The following SLC2A13 variants were observed in gnomAD, a reference collection of about 807,000 sequenced individuals.
The protein encoded by SLC2A13 is proton myo-inositol cotransporter.
SLC2A13 carries 32 observed loss-of-function variants against 64.4 expected under a neutral mutation model. The observed-to-expected ratio is 0.50, with a 90% CI of 0.37 to 0.67. SLC2A13 has a LOEUF of 0.67. Ranked by LOEUF, SLC2A13 falls within the 30% of genes least tolerant of loss-of-function variation. SLC2A13 has a pLI of 0.00. For missense variants in SLC2A13, 743 were observed against 829.2 expected, an observed-to-expected ratio of 0.90 and a Z score of 1.28; for synonymous variants, 338 against 327.1, an observed-to-expected ratio of 1.03 and a Z score of -0.36.
chr12:40,066,107 T>C lies in SLC2A13; in HGVS notation c.557-17897A>G, dbSNP rs17518232. Among the ~76,000 whole-genome samples the C allele has an allele frequency of 9.1e-3, 1,388 of 152,316 alleles. 25 individuals carry two copies. Among genetic ancestry groups the C allele is most frequent in the African/African-American group, 0.032 (1,315 of 41,550 alleles). On this transcript the variant is annotated intron_variant, in intron 1 of 9. Transcript: ENST00000280871. ...AACAGAGCATCCTAATCGAAGTAAC[T>C]AAATGTAGAGGTTTGAGATTAAATA...
chr12:39,829,895 A>G, intron 7 of SLC2A13: 1 of 617,954 alleles, frequency 1.6e-6, no homozygotes, highest in Non-Finnish European at 2.7e-6. Flanking sequence ...TGGGTCTCCA[A>G]AAGTCTAGGC....
chr12:39,816,252 A>G (rs1421892173), intron 7 of SLC2A13, among the ~76,000 whole-genome samples: 1 of 152,080 alleles, frequency 6.6e-6, no homozygotes, highest in Non-Finnish European at 1.5e-5. Flanking sequence ...CATTTCTTCT[A>G]CAAACAAAAA....
At chr12:39,780,524 G>C (rs1358491062) in intron 7 of SLC2A13, among the ~76,000 whole-genome samples, 1 of 152,178 alleles carries the variant, frequency 6.6e-6, no homozygotes, top group Non-Finnish European at 1.5e-5. Context: ...GCAGCATCTT[G>C]GCAGGTCTGC....
At chr12:39,762,019 A>T (rs1255538180) in intron 9 of SLC2A13, among the ~76,000 whole-genome samples, 1 of 152,078 alleles carries the variant, frequency 6.6e-6, no homozygotes, top group African/African-American at 2.4e-5. Flanking sequence ...CTTTCTTGTG[A>T]CCTGGATTCC....
chr12:40,078,367 T>G (rs1007299896), intron 1 of SLC2A13, among the ~76,000 whole-genome samples: 3 of 152,218 alleles, frequency 2.0e-5, no homozygotes, highest in African/African-American at 7.2e-5. Flanking sequence ...CGAAGGAATG[T>G]TGAATTTCAT....
intron 7 of SLC2A13, among the ~76,000 whole-genome samples, chr12:39,787,763 T>G (rs1941242001): frequency 6.6e-6 from 1 of 152,174 alleles, no homozygotes; most frequent in Non-Finnish European, 1.5e-5. Context: ...TGACATGATG[T>G]TAGGTGAATG....
chr12:40,023,778 G>A (rs1212047198), intron 3 of SLC2A13, among the ~76,000 whole-genome samples: 2 of 152,120 alleles, frequency 1.3e-5, no homozygotes, highest in Non-Finnish European at 2.9e-5. Flanking sequence ...ACTCTTTCAG[G>A]ACATGTCTGT....
At chr12:39,972,021 T>TA (rs376763534) in intron 3 of SLC2A13, among the ~76,000 whole-genome samples, 37,790 of 80,476 alleles carry the variant, frequency 0.47, 6,782 homozygotes, top group South Asian at 0.51. Context: ...TATATTTTTT[T>TA]TTATATAAAT....
chr12:40,016,233 C>T (rs1172277851), intron 3 of SLC2A13, among the ~76,000 whole-genome samples: 1 of 152,138 alleles, frequency 6.6e-6, no homozygotes, highest in African/African-American at 2.4e-5. Flanking sequence ...TGAATATCCA[C>T]AGGACCATTA....
chr12:39,796,714 G>A (rs1431772810), intron 7 of SLC2A13, among the ~76,000 whole-genome samples: 1 of 152,078 alleles, frequency 6.6e-6, no homozygotes, highest in African/African-American at 2.4e-5. Context: ...AATCAACTTT[G>A]TTTAGATGGG....
At chr12:39,959,920 A>G (rs1163060083) in intron 3 of SLC2A13, among the ~76,000 whole-genome samples, 2 of 152,306 alleles carry the variant, frequency 1.3e-5, no homozygotes, top group African/African-American at 2.4e-5. Flanking sequence ...CAACCAACCC[A>G]TCACCTAGGC....
At chr12:39,924,071 A>G (rs1945671962) in intron 4 of SLC2A13, among the ~76,000 whole-genome samples, 1 of 152,302 alleles carries the variant, frequency 6.6e-6, no homozygotes, top group South Asian at 2.1e-4. Context: ...AATAAAATAA[A>G]AAATGTTATG....
At chr12:40,026,880 G>C (rs768923448) in intron 3 of SLC2A13, among the ~76,000 whole-genome samples, 1 of 152,134 alleles carries the variant, frequency 6.6e-6, no homozygotes, top group Non-Finnish European at 1.5e-5. Context: ...AGGAGTTCAA[G>C]ACCAGCCTGG....
chr12:40,088,018 T>A (rs1428335922), intron 1 of SLC2A13, among the ~76,000 whole-genome samples: 1 of 152,226 alleles, frequency 6.6e-6, no homozygotes, highest in East Asian at 1.9e-4. Flanking sequence ...CAGATAACAT[T>A]TACTGTATAC....
intron 1 of SLC2A13, among the ~76,000 whole-genome samples, chr12:40,059,131 T>C (rs1450487887): frequency 6.6e-6 from 1 of 152,200 alleles, no homozygotes; most frequent in African/African-American, 2.4e-5. Flanking sequence ...CTTTGACATA[T>C]GATGAGGTAA....
intron 3 of SLC2A13, among the ~76,000 whole-genome samples, chr12:40,000,295 T>A (rs1372796496): frequency 2.0e-5 from 3 of 150,002 alleles, no homozygotes; most frequent in Admixed American, 6.6e-5. Flanking sequence ...TAGCTCTACA[T>A]TAAAAAACAA....
At chr12:40,017,889 G>A (rs1387564209) in intron 3 of SLC2A13, among the ~76,000 whole-genome samples, 2 of 150,932 alleles carry the variant, frequency 1.3e-5, no homozygotes, top group African/African-American at 4.9e-5. Context: ...ACTTACACGT[G>A]GACACAAACA....
At chr12:39,766,262 A>G (rs1328070023) in intron 7 of SLC2A13, among the ~76,000 whole-genome samples, 3 of 152,112 alleles carry the variant, frequency 2.0e-5, no homozygotes, top group Non-Finnish European at 4.4e-5. Flanking sequence ...TTGCGAGGTC[A>G]GTTCCAGACC....
intron 1 of SLC2A13, among the ~76,000 whole-genome samples, chr12:40,079,953 TC>T (rs1938332735): frequency 1.3e-5 from 2 of 152,276 alleles, no homozygotes; most frequent in South Asian, 4.1e-4. Flanking sequence ...AACCTCCATC[TC>T]CCAGGTTCAA....
Sources: gnomAD v4.1 joint callset for allele counts (sites outside exome capture counted in the v4.1 genomes callset) on GRCh38, gnomAD v4.1.1 for gene constraint, MANE v1.5 for transcripts, NCBI Gene and HGNC (gene_info 2026-07-23, HGNC 2026-07-21) for gene names.